The following SPSB4 variants were observed in gnomAD, a reference collection of about 807,000 sequenced individuals.
The protein encoded by SPSB4 is splA/ryanodine receptor domain and SOCS box containing 4.
SPSB4 carries 21 observed loss-of-function variants against 20.9 expected under a neutral mutation model. The ratio of observed to expected loss-of-function variants is 1.01; its 90% CI spans 0.71 to 1.45. The LOEUF is 1.45. SPSB4 is among the 40% of genes most tolerant of loss of function. The pLI is 0.00. For synonymous variants in SPSB4, 207 were observed against 183.8 expected, an observed-to-expected ratio of 1.13 and a Z score of -1.02; for missense variants, 399 against 399.2, an observed-to-expected ratio of 1.00 and a Z score of 0.00.
rs1939429129 is a variant in SPSB4, at chr3:141,147,279, G to T, written c.*10G>T. Reference sequence around the variant, plus strand: ...TCTGCAGTACCAGTGAGCCAAGCCTGATGGGCAGCACAGACACAGACACAC... The same window carrying T: ...TCTGCAGTACCAGTGAGCCAAGCCTTATGGGCAGCACAGACACAGACACAC... On this transcript the variant is annotated 3_prime_UTR_variant, in exon 3 of 3. Transcript: ENST00000310546. 6.2e-7 allele frequency: 1 copy of T among 1,614,126 alleles called. No individual in the cohort carries two copies. Among genetic ancestry groups the T allele is most frequent in the Non-Finnish European group, 8.5e-7 (1 of 1,180,008 alleles).
intron 2 of SPSB4, among the ~76,000 whole-genome samples, chr3:141,093,647 AGGGCCATGCC>A (rs1186962962): frequency 6.6e-6 from 1 of 152,142 alleles, no homozygotes; most frequent in African/African-American, 2.4e-5. Context: ...GCGCTGCAGA[AGGGCCATGCC>A]GGCTGCCAAG....
At chr3:141,120,184 A>G (rs1182039626) in intron 2 of SPSB4, among the ~76,000 whole-genome samples, 1 of 152,182 alleles carries the variant, frequency 6.6e-6, no homozygotes, top group Non-Finnish European at 1.5e-5. Context: ...CCTATTAGTC[A>G]TTCAGGAGCA....
intron 2 of SPSB4, among the ~76,000 whole-genome samples, chr3:141,143,957 C>G (rs557821399): frequency 6.6e-6 from 1 of 152,238 alleles, no homozygotes; most frequent in Admixed American, 6.5e-5. Context: ...AGAAGAAAAG[C>G]CTATTTTTAG....
chr3:141,076,798 T>G (rs908476984), intron 2 of SPSB4, among the ~76,000 whole-genome samples: 1 of 152,138 alleles, frequency 6.6e-6, no homozygotes, highest in African/African-American at 2.4e-5. Flanking sequence ...TTAACAAGAG[T>G]TTACTGAAGC....
chr3:141,066,462 G>C lies in SPSB4; in HGVS notation c.358G>C (p.Ala120Pro). The C allele has an allele frequency of 1.3e-6, 2 of 1,499,054 alleles. No homozygotes were observed. The highest frequency in any genetic ancestry group is 2.6e-5 in the South Asian group (2 of 75,752). 92.9% of individuals were successfully genotyped at this position (1,499,054 alleles called of 1,614,324 possible). A position where few individuals can be genotyped will look rare whatever the true frequency, so the allele number is the denominator to read the frequency against. ...GTHAVVGVAT[A>P]RAPLHSVGYT... Reference sequence around the variant, plus strand: ...CCACGCTGTAGTTGGTGTGGCCACGGCCCGTGCTCCCCTGCACTCCGTGGG... The same window carrying C: ...CCACGCTGTAGTTGGTGTGGCCACGCCCCGTGCTCCCCTGCACTCCGTGGG... Residue 120 changes from alanine to proline, a missense_variant, in exon 2 of 3, where the codon GCC (alanine) becomes CCC (proline). Coordinates refer to ENST00000310546, the MANE Select transcript of SPSB4 (RefSeq NM_080862.3).
At chr3:141,146,625 A>G (rs1939416674) in intron 2 of SPSB4, among the ~76,000 whole-genome samples, 1 of 152,094 alleles carries the variant, frequency 6.6e-6, no homozygotes, top group Non-Finnish European at 1.5e-5. Context: ...AATACAAAAA[A>G]TTAGCCGGGC....
In SPSB4 at chr3:141,066,687, C is replaced by A. The variant is rs761992404; in HGVS notation, c.583C>A (p.Gln195Lys). ...EGTLSFIVDG[Q>K]YLGVAFRGLK... The stretch of plus-strand genomic sequence containing the variant: ...CACACTCAGCTTCATCGTGGATGGC[C>A]AGTACCTGGGCGTGGCCTTCCGAGG... The change falls in exon 2 of 3, where the codon CAG (glutamine) becomes AAG (lysine). Residue 195 changes from glutamine (Q) to lysine (K), a missense_variant. Physicochemically the swap from Gln to Lys is moderately conservative, Grantham distance 53. Transcript: ENST00000310546. 2.5e-6 allele frequency: 4 copies of A among 1,613,302 alleles called. No individual in the cohort carries two copies. In the Admixed American group the frequency reaches 6.7e-5, roughly 27 times the overall value.
chr3:141,070,929 G>C (rs531391703), intron 2 of SPSB4, among the ~76,000 whole-genome samples: 2 of 152,346 alleles, frequency 1.3e-5, no homozygotes, highest in Non-Finnish European at 2.9e-5. Flanking sequence ...GCTGGTGACC[G>C]TGCAGCCCAG....
At chr3:141,079,936 G>A (rs1002269621) in intron 2 of SPSB4, among the ~76,000 whole-genome samples, 14 of 152,278 alleles carry the variant, frequency 9.2e-5, no homozygotes, top group Middle Eastern at 3.4e-3. Flanking sequence ...GCAGAGTGGG[G>A]GTGGTGAGGC....
chr3:141,112,668 A>AAAAAAAAAAAGAC (rs1938820577), intron 2 of SPSB4, among the ~76,000 whole-genome samples: 1 of 149,364 alleles, frequency 6.7e-6, no homozygotes, highest in Non-Finnish European at 1.5e-5. Context: ...AAAAAAAAAA[A>AAAAAAAAAAAGAC]AGACAGAAGG....
At chr3:141,095,322 GCTGT>G (rs1938529464) in intron 2 of SPSB4, among the ~76,000 whole-genome samples, 1 of 152,180 alleles carries the variant, frequency 6.6e-6, no homozygotes, top group Non-Finnish European at 1.5e-5. Context: ...CTCCTCAACA[GCTGT>G]GTCCTCTGTA....
chr3:141,142,872 A>G (rs576366398), intron 2 of SPSB4, among the ~76,000 whole-genome samples: 132 of 123,224 alleles, frequency 1.1e-3, no homozygotes, highest in African/African-American at 4.0e-3. Context: ...CCTGGAGTGC[A>G]GTGGCATGAT....
intron 2 of SPSB4, among the ~76,000 whole-genome samples, chr3:141,074,778 G>C (rs1002934132): frequency 6.6e-6 from 1 of 152,256 alleles, no homozygotes; most frequent in African/African-American, 2.4e-5. Context: ...TGGCGGCCCT[G>C]AGGGCCGGCG....
At chr3:141,074,664 G>A (rs540218861) in intron 2 of SPSB4, among the ~76,000 whole-genome samples, 128 of 152,284 alleles carry the variant, frequency 8.4e-4, no homozygotes, top group African/African-American at 2.9e-3. Context: ...GCAGCTCCCC[G>A]TGGTGACTTG....
chr3:141,102,119 G>T (rs184151066), intron 2 of SPSB4, among the ~76,000 whole-genome samples: 5 of 152,296 alleles, frequency 3.3e-5, no homozygotes, highest in African/African-American at 9.6e-5. Flanking sequence ...AGCAATAAAG[G>T]TGTATCCAGG....
chr3:141,135,452 C>A (rs1445244225), intron 2 of SPSB4, among the ~76,000 whole-genome samples: 1 of 151,848 alleles, frequency 6.6e-6, no homozygotes, highest in African/African-American at 2.4e-5. Flanking sequence ...CCCATTAACT[C>A]ATCATTTAGC....
In SPSB4 at chr3:141,145,818, C is replaced by T. The variant is rs552654994; in HGVS notation, c.695-1324C>T. 4.6e-5 allele frequency among the ~76,000 whole-genome samples: 7 copies of T among 152,204 alleles called. No homozygotes were observed. In the South Asian group the frequency reaches 1.5e-3, roughly 32 times the overall value. On this transcript the variant is annotated intron_variant, in intron 2 of 2. Transcript: ENST00000310546. Reference sequence around the variant, plus strand: ...CAGCACTGTTCCTCTCCCCACAAACCTCCAGGCTGTCCTGTTTTATTCCTC... The same window carrying T: ...CAGCACTGTTCCTCTCCCCACAAACTTCCAGGCTGTCCTGTTTTATTCCTC...
At chr3:141,095,926 CCTT>C (rs1938541446) in intron 2 of SPSB4, among the ~76,000 whole-genome samples, 1 of 152,154 alleles carries the variant, frequency 6.6e-6, no homozygotes, top group South Asian at 2.1e-4. Context: ...CCTCATCCAT[CCTT>C]CTTACAGCTA....
chr3:141,064,081 C>A (rs576796389), intron 1 of SPSB4, among the ~76,000 whole-genome samples: 1 of 152,362 alleles, frequency 6.6e-6, no homozygotes, highest in African/African-American at 2.4e-5. Flanking sequence ...ATGCCCTGTT[C>A]CCATTTTTTC....
Sources: gnomAD v4.1 joint callset for allele counts (sites outside exome capture counted in the v4.1 genomes callset) on GRCh38, gnomAD v4.1.1 for gene constraint, MANE v1.5 for transcripts, NCBI Gene and HGNC (gene_info 2026-07-23, HGNC 2026-07-21) for gene names.